The following CNTLN variants were observed in gnomAD, a reference collection of about 807,000 sequenced individuals.
CNTLN encodes the protein centlein.
In CNTLN, 212 loss-of-function variants were observed where a neutral mutation model predicts 180.0. The ratio of observed to expected loss-of-function variants is 1.18; its 90% confidence interval spans 1.05 to 1.32. CNTLN has a LOEUF of 1.32. Ranked by LOEUF, CNTLN falls within the 40% of genes most tolerant of loss-of-function variation. The probability of loss-of-function intolerance (pLI) is 0.00; values close to 1 mark genes in which losing one functional copy is unlikely to be tolerated. For synonymous variants in CNTLN, 722 were observed against 563.1 expected (o/e 1.28, Z -3.99); for missense variants, 2,095 against 1,610.9 (o/e 1.30, Z -5.14).
At chr9:17,500,292 A>G (rs963812274) in intron 25 of CNTLN, among the ~76,000 whole-genome samples, 8 of 152,222 alleles carry the variant, frequency 5.3e-5, no homozygotes, top group Non-Finnish European at 7.3e-5. Flanking sequence ...CCCATTCCAC[A>G]TTGGAGGCTT....
chr9:17,359,132 C>G (rs1275718198), intron 12 of CNTLN, among the ~76,000 whole-genome samples: 1 of 152,038 alleles, frequency 6.6e-6, no homozygotes, highest in Non-Finnish European at 1.5e-5. Flanking sequence ...GATTCTCCCA[C>G]CTCAGCCCCC....
chr9:17,503,166 C>G lies in CNTLN; in HGVS notation c.*514C>G, dbSNP rs1447622322. 6.6e-6 allele frequency: 1 copy of G among 152,190 alleles called. No homozygotes were observed. The highest frequency in any genetic ancestry group is 6.6e-5 in the Admixed American group (1 of 15,262). 9.4% of individuals were successfully genotyped at this position (152,190 alleles called of 1,614,324 possible). A position where few individuals can be genotyped will look rare whatever the true frequency, so the allele number is the denominator to read the frequency against. On this transcript the variant is annotated 3_prime_UTR_variant, in exon 26 of 26. Coordinates refer to ENST00000380647, the MANE Select transcript of CNTLN (RefSeq NM_017738.4). ...ATTGTGTGGTCCAATTGAATCTGTT[C>G]TCATTGATGTGCTGGTTTATGTAGG...
At chr9:17,458,521 G>C (rs1831267764) in intron 19 of CNTLN, among the ~76,000 whole-genome samples, 1 of 151,874 alleles carries the variant, frequency 6.6e-6, no homozygotes, top group South Asian at 2.1e-4. Flanking sequence ...ATTAGAAATG[G>C]AATAATCATC....
chr9:17,258,311 G>A (rs553180788), intron 5 of CNTLN, among the ~76,000 whole-genome samples: 53 of 145,548 alleles, frequency 3.6e-4, no homozygotes, highest in South Asian at 6.7e-4. Context: ...TATTTCTGAG[G>A]GCTCTGTTCT....
At chr9:17,358,731 G>A (rs1460172591) in intron 12 of CNTLN, among the ~76,000 whole-genome samples, 1 of 151,958 alleles carries the variant, frequency 6.6e-6, no homozygotes, top group Non-Finnish European at 1.5e-5. Flanking sequence ...ACACTAAAAG[G>A]AATCTTGTAT....
intron 18 of CNTLN, among the ~76,000 whole-genome samples, chr9:17,454,660 T>A (rs1831005555): frequency 6.6e-6 from 1 of 152,222 alleles, no homozygotes; most frequent in African/African-American, 2.4e-5. Flanking sequence ...TGCTGCACGT[T>A]GAACATCTAC....
At chr9:17,490,605 G>T (rs1042755637) in intron 25 of CNTLN, among the ~76,000 whole-genome samples, 2 of 151,906 alleles carry the variant, frequency 1.3e-5, no homozygotes, top group Admixed American at 6.6e-5. Flanking sequence ...GACTGCTTAC[G>T]GATAGAATTT....
intron 16 of CNTLN, among the ~76,000 whole-genome samples, chr9:17,410,901 T>C (rs1401435557): frequency 6.6e-6 from 1 of 152,180 alleles, no homozygotes; most frequent in Non-Finnish European, 1.5e-5. Flanking sequence ...TATCATGCTG[T>C]CTTAGTTACA....
chr9:17,355,306 T>G (rs1412513298), intron 12 of CNTLN, among the ~76,000 whole-genome samples: 1 of 152,202 alleles, frequency 6.6e-6, no homozygotes, highest in Admixed American at 6.5e-5. Flanking sequence ...ATTACAGGTG[T>G]GAGCCACCGT....
At position 17,415,959 on chromosome 9, in the gene CNTLN, TA is replaced by T. The variant is rs754689368; in HGVS notation, c.2891-6del. On this transcript the variant is annotated splice_polypyrimidine_tract_variant and splice_region_variant and intron_variant, in intron 17 of 25. Coordinates refer to ENST00000380647, the MANE Select transcript of CNTLN (RefSeq NM_017738.4). ...TTTAAAATATGAACAATATTGTTTT[TA>T]TGTAGTCAACAGAGAAAAGTACAAA... 4.4e-6 allele frequency: 7 copies of T among 1,598,032 alleles called. No individual in the cohort carries two copies. In the South Asian group the frequency reaches 8.0e-5, roughly 18 times the overall value.
chr9:17,291,380 A>G (rs1488155153), intron 6 of CNTLN, among the ~76,000 whole-genome samples: 1 of 152,132 alleles, frequency 6.6e-6, no homozygotes, highest in African/African-American at 2.4e-5. Flanking sequence ...TGTCTTGGTG[A>G]TCTGTCTAAT....
intron 18 of CNTLN, among the ~76,000 whole-genome samples, chr9:17,433,790 AG>A (rs1383186110): frequency 6.6e-6 from 1 of 152,062 alleles, no homozygotes; most frequent in East Asian, 1.9e-4. Flanking sequence ...TTTGTTGCTC[AG>A]GGTTGTCTTG....
chr9:17,467,108 T>C (rs1050679937), intron 23 of CNTLN, among the ~76,000 whole-genome samples: 35 of 151,560 alleles, frequency 2.3e-4, no homozygotes, highest in African/African-American at 8.5e-4. Flanking sequence ...TAATATTTCT[T>C]TCTTAATGTC....
intron 25 of CNTLN, among the ~76,000 whole-genome samples, chr9:17,497,547 C>T (rs187105203): frequency 6.6e-6 from 1 of 152,256 alleles, no homozygotes; most frequent in Admixed American, 6.5e-5. Context: ...TACGGAAGCA[C>T]TCCTTGAAGC....
At chr9:17,518,870 C>T in the CNTLN span, among the ~76,000 whole-genome samples, 1 of 152,104 alleles carries the variant, frequency 6.6e-6, no homozygotes, top group Non-Finnish European at 1.5e-5. Context: ...CCTGATGGCT[C>T]CCTGTGCACC....
At position 17,335,911 on chromosome 9, in the gene CNTLN, C is replaced by T. The variant is rs191050064; in HGVS notation, c.1644+3181C>T. On this transcript the variant is annotated intron_variant, in intron 10 of 25. Transcript: ENST00000380647. ...AAGCTGAGATCCTGCCACTACATTC[C>T]AGCGAGTCTGTCTCAAAAACAAAAA... Among the ~76,000 whole-genome samples, 5 of 139,334 alleles carry T rather than the reference C, an allele frequency of 3.6e-5. No individual in the cohort carries two copies. In the Admixed American group the frequency reaches 3.8e-4, roughly 11 times the overall value. The allele number at this position is 139,334 out of a possible 152,430, so 91.4% of individuals were successfully genotyped here.
chr9:17,186,176 A>G lies in CNTLN; in HGVS notation c.450-40027A>G, dbSNP rs184607681. On this transcript the variant is annotated intron_variant, in intron 2 of 25. Coordinates refer to ENST00000380647, the MANE Select transcript of CNTLN (RefSeq NM_017738.4). ...TTATAATTTTCTTATAGGATTTTCC[A>G]TATTCTGCCACATGTTCATGCACAC... Among the ~76,000 whole-genome samples, 775 of 152,294 alleles carry G rather than the reference A, an allele frequency of 5.1e-3. 5 individuals carry two copies. The highest frequency in any genetic ancestry group is 8.0e-3 in the Admixed American group (122 of 15,310).
intron 2 of CNTLN, among the ~76,000 whole-genome samples, chr9:17,143,762 A>T (rs946646021): frequency 6.6e-6 from 1 of 152,218 alleles, no homozygotes; most frequent in Admixed American, 6.5e-5. Context: ...TTCCCCTTAG[A>T]TAATTGCAGT....
intron 18 of CNTLN, among the ~76,000 whole-genome samples, chr9:17,432,665 C>T (rs909414222): frequency 1.3e-5 from 2 of 152,054 alleles, no homozygotes; most frequent in Non-Finnish European, 2.9e-5. Context: ...AACAGATCTT[C>T]AGTGTGTGCT....
Sources: gnomAD v4.1 joint callset for allele counts (sites outside exome capture counted in the v4.1 genomes callset) on GRCh38, gnomAD v4.1.1 for gene constraint, MANE v1.5 for transcripts, NCBI Gene and HGNC (gene_info 2026-07-23, HGNC 2026-07-21) for gene names.